The following ARL13B variants were observed in gnomAD, a reference collection of about 807,000 sequenced individuals.
The protein encoded by ARL13B is ADP-ribosylation factor-like protein 13B.
Under a neutral mutation model 56.1 loss-of-function variants are expected in ARL13B, and 36 were observed. The observed-to-expected ratio is 0.64, with a 90% CI of 0.49 to 0.85. The LOEUF (loss-of-function observed/expected upper bound fraction) is 0.85. ARL13B is among the 40% of genes least tolerant of loss of function. The pLI is 0.00. For synonymous variants in ARL13B, 178 were observed against 171.1 expected, an observed-to-expected ratio of 1.04 and a Z score of -0.32; for missense variants, 519 against 507.1, an observed-to-expected ratio of 1.02 and a Z score of -0.23.
intron 6 of ARL13B, among the ~76,000 whole-genome samples, chr3:94,040,783 G>T (rs1396610480): frequency 6.7e-6 from 1 of 150,324 alleles, no homozygotes; most frequent in Non-Finnish European, 1.5e-5. Context: ...AGGTCAAGTT[G>T]TACTTTTTAC....
rs183639595 is a variant in ARL13B at position 94,054,981 on chromosome 3, G to A, written c.*1718G>A. On this transcript the variant is annotated 3_prime_UTR_variant, in exon 10 of 10. Transcript: ENST00000394222. ...TTGCTATCTTTTTAATATTTATCTCGTTTGGGAGTATACGTGTTTTTAAAA... is the reference window on the plus strand; with the variant it reads ...TTGCTATCTTTTTAATATTTATCTCATTTGGGAGTATACGTGTTTTTAAAA... The A allele has an allele frequency of 1.0e-3, 306 of 305,174 alleles. 2 individuals are homozygous for A. The highest frequency in any genetic ancestry group is 1.7e-3 in the Admixed American group (38 of 21,914). The allele number at this position is 305,174 out of a possible 1,614,324, so 18.9% of individuals were successfully genotyped here.
At chr3:94,034,578 G>GAAGTGTC (rs2076734895) in intron 3 of ARL13B, among the ~76,000 whole-genome samples, 1 of 150,754 alleles carries the variant, frequency 6.6e-6, no homozygotes, top group African/African-American at 2.4e-5. Context: ...TCAGTAAATT[G>GAAGTGTC]CACATTTATG....
chr3:93,987,573 C>T (rs149331054), intron 1 of ARL13B, among the ~76,000 whole-genome samples: 3 of 151,988 alleles, frequency 2.0e-5, no homozygotes, highest in Non-Finnish European at 4.4e-5. Flanking sequence ...TTTTATTTGT[C>T]GTGTTGAGAA....
intron 3 of ARL13B, among the ~76,000 whole-genome samples, chr3:94,013,653 AT>A (rs757290165): frequency 5.9e-5 from 9 of 152,196 alleles, no homozygotes; most frequent in Non-Finnish European, 1.0e-4. Context: ...AGGATAAAAG[AT>A]TTGATAAAGG....
chr3:93,992,526 G>A (rs1290904095), intron 1 of ARL13B, among the ~76,000 whole-genome samples: 2 of 152,112 alleles, frequency 1.3e-5, no homozygotes, highest in Non-Finnish European at 2.9e-5. Context: ...TAAGGTTTAT[G>A]AGGCCTAAGA....
At chr3:94,014,310 A>T in intron 3 of ARL13B, 1 of 1,264,862 alleles carries the variant, frequency 7.9e-7, no homozygotes, top group Admixed American at 2.9e-5. Context: ...CATGAGATGG[A>T]GAAAAACAAT....
intron 3 of ARL13B, among the ~76,000 whole-genome samples, chr3:94,032,844 A>G (rs1404043822): frequency 6.6e-6 from 1 of 152,238 alleles, no homozygotes; most frequent in Non-Finnish European, 1.5e-5. Context: ...CATTCAGTCT[A>G]GCAACCTCAC....
At chr3:94,018,722 G>T (rs1220140629) in intron 3 of ARL13B, among the ~76,000 whole-genome samples, 1 of 152,046 alleles carries the variant, frequency 6.6e-6, no homozygotes, top group Non-Finnish European at 1.5e-5. Context: ...CTCTCTTCTG[G>T]CAACTCTATT....
intron 6 of ARL13B, among the ~76,000 whole-genome samples, chr3:94,040,522 A>T (rs2076843673): frequency 6.6e-6 from 1 of 152,098 alleles, no homozygotes; most frequent in Non-Finnish European, 1.5e-5. Context: ...TTTAATTATG[A>T]AGACGTTAAG....
intron 3 of ARL13B, among the ~76,000 whole-genome samples, chr3:94,005,400 A>C (rs2076118063): frequency 6.6e-6 from 1 of 152,218 alleles, no homozygotes; most frequent in South Asian, 2.1e-4. Flanking sequence ...TTATTGAGAA[A>C]CTGACATTTG....
chr3:94,036,377 T>C (rs2076767901), intron 4 of ARL13B, among the ~76,000 whole-genome samples, 175 bp from the exon 5 acceptor site: 1 of 152,222 alleles, frequency 6.6e-6, no homozygotes, highest in South Asian at 2.1e-4. Flanking sequence ...TTTTAAGTTC[T>C]ATATACTGAT....
intron 2 of ARL13B, among the ~76,000 whole-genome samples, chr3:94,000,157 C>G (rs920977471): frequency 6.6e-6 from 1 of 152,054 alleles, no homozygotes; most frequent in Non-Finnish European, 1.5e-5. Context: ...TAGTGAGAGC[C>G]GATTATGCAT....
Position 94,054,660 on chromosome 3 carries a change from C to A in ARL13B, c.*1397C>A. On this transcript the variant is annotated 3_prime_UTR_variant, in exon 10 of 10. Transcript: ENST00000394222. The stretch of plus-strand genomic sequence containing the variant: ...TTACTTTAAAAATTGTACTTCAGAA[C>A]ATCAGATTTTATTCACATTTTTTAA... 1 of 380,916 alleles carries A rather than the reference C, an allele frequency of 2.6e-6. No homozygotes were observed. Among genetic ancestry groups the A allele is most frequent in the Non-Finnish European group, 5.1e-6 (1 of 196,028 alleles). 23.6% of individuals were successfully genotyped at this position (380,916 alleles called of 1,614,324 possible). A position where few individuals can be genotyped will look rare whatever the true frequency, so the allele number is the denominator to read the frequency against.
chr3:93,990,552 G>C (rs891927536), intron 1 of ARL13B, among the ~76,000 whole-genome samples: 2 of 152,072 alleles, frequency 1.3e-5, no homozygotes, highest in Non-Finnish European at 2.9e-5. Context: ...ATGAGGTCAC[G>C]TGTGGAATTT....
chr3:94,035,595 C>G (rs1434180046), intron 4 of ARL13B, among the ~76,000 whole-genome samples, 159 bp downstream of exon 4: 1 of 152,048 alleles, frequency 6.6e-6, no homozygotes, highest in Non-Finnish European at 1.5e-5. Flanking sequence ...GTTGATATAA[C>G]TTAATACCAT....
At chr3:93,996,892 G>A (rs1575944341) in intron 2 of ARL13B, among the ~76,000 whole-genome samples, 1 of 152,184 alleles carries the variant, frequency 6.6e-6, no homozygotes, top group South Asian at 2.1e-4. Context: ...AGCTTCATCT[G>A]TATTTACATC....
chr3:94,001,731 T>G (rs1245169243), intron 2 of ARL13B, among the ~76,000 whole-genome samples: 1 of 152,170 alleles, frequency 6.6e-6, no homozygotes, highest in African/African-American at 2.4e-5. Context: ...CAAGGAGGTG[T>G]TTGATACATG....
At chr3:94,045,557 G>A (rs2076968096) in intron 7 of ARL13B, among the ~76,000 whole-genome samples, 1 of 151,750 alleles carries the variant, frequency 6.6e-6, no homozygotes. Flanking sequence ...AGTCTTTGTA[G>A]ATATAGGCAA....
chr3:93,982,658 T>C (rs998495481), intron 1 of ARL13B, among the ~76,000 whole-genome samples: 1 of 152,196 alleles, frequency 6.6e-6, no homozygotes, highest in African/African-American at 2.4e-5. Flanking sequence ...CTGCTCTGGA[T>C]CATAGCCTAA....
Sources: gnomAD v4.1 joint callset for allele counts (sites outside exome capture counted in the v4.1 genomes callset) on GRCh38, gnomAD v4.1.1 for gene constraint, MANE v1.5 for transcripts, NCBI Gene and HGNC (gene_info 2026-07-23, HGNC 2026-07-21) for gene names.